The following ENOSF1 variants were observed in gnomAD, a reference collection of about 807,000 sequenced individuals.
The protein encoded by ENOSF1 is mitochondrial enolase superfamily member 1.
Under a neutral mutation model 68.2 loss-of-function variants are expected in ENOSF1, and 73 were observed. The ratio of observed to expected loss-of-function variants is 1.07; its 90% CI spans 0.89 to 1.30. The LOEUF is 1.30. Among genes scored for constraint, ENOSF1 ranks in the 50% most tolerant of loss-of-function variants. The probability of loss-of-function intolerance (pLI) is 0.00; values close to 1 mark genes in which losing one functional copy is unlikely to be tolerated. For synonymous variants in ENOSF1, 223 were observed against 210.4 expected (o/e 1.06, Z -0.52); for missense variants, 589 against 554.5 (o/e 1.06, Z -0.62).
At position 689,341 on chromosome 18, in the gene ENOSF1, C is replaced by T. The variant is rs1038183649; in HGVS notation, c.619-733G>A. Among the ~76,000 whole-genome samples, 9 of 152,262 alleles carry T rather than the reference C, an allele frequency of 5.9e-5. No homozygotes were observed. In the East Asian group the frequency reaches 1.7e-3, roughly 30 times the overall value. ...TGTCACCCAGGTTGGAGGGCAGTGG[C>T]GTGATCTCGGCTCATTGCAACCCCT... is the stretch of plus-strand genomic sequence containing the variant. On this transcript the variant is annotated intron_variant, in intron 8 of 15. Coordinates refer to ENST00000647584, the MANE Select transcript of ENOSF1 (RefSeq NM_017512.7).
chr18:670,284 G>A (rs551432117), downstream of ENOSF1: 58 of 157,648 alleles, frequency 3.7e-4, no homozygotes, highest in Non-Finnish European at 6.9e-4. Flanking sequence ...CCACCCTGGC[G>A]TCCCAGTGTT....
intron 7 of ENOSF1, 122 bp from the exon 8 acceptor site, chr18:690,753 C>A: frequency 1.6e-6 from 2 of 1,218,774 alleles, no homozygotes; most frequent in Admixed American, 2.6e-5. Context: ...GCCCTGCACA[C>A]ACACACCCAG....
rs779184809 is a variant in ENOSF1, at chr18:677,833, T to G, written c.958A>C (p.Lys320Gln). Reference protein sequence around the residue: ...RVIFKQLLQAKALQFLQIDSC... With the variant: ...RVIFKQLLQAQALQFLQIDSC... The stretch of plus-strand genomic sequence containing the variant: ...TCAATCTGGAGGAACTGCAGGGCCT[T>G]CGCCTGTAGGAGTTGCTTAAATATC... The change falls in exon 13 of 16, where the codon AAG becomes CAG. Residue 320 changes from lysine to glutamine, a missense_variant. Physicochemically the swap from Lys to Gln is moderately conservative, Grantham distance 53. Transcript: ENST00000647584. 3.1e-6 allele frequency: 5 copies of G among 1,614,192 alleles called. No homozygotes were observed. The South Asian group carries it at 4.4e-5, about 14-fold the overall frequency.
chr18:669,712 G>A (rs1366765044), downstream of ENOSF1, among the ~76,000 whole-genome samples: 1 of 152,098 alleles, frequency 6.6e-6, no homozygotes, highest in African/African-American at 2.4e-5. Context: ...CTACATGTAA[G>A]ATGTTAACAT....
At chr18:692,059 T>C (rs1239159155) in intron 5 of ENOSF1, 1 of 152,198 alleles carries the variant, frequency 6.6e-6, no homozygotes, top group Non-Finnish European at 1.5e-5. Flanking sequence ...GGCAGCTTCT[T>C]CTCCTGCCAA....
In ENOSF1 at chr18:691,243, T is replaced by A. The variant is rs1389551520; in HGVS notation, c.457A>T (p.Arg153Trp). Residue 153 changes from arginine (R) to tryptophan (W), a missense_variant, in exon 6 of 16, where the codon AGG (arginine) becomes TGG (tryptophan). Physicochemically the swap from Arg to Trp is moderately radical, Grantham distance 101 (BLOSUM62 -3). Transcript: ENST00000647584. ...TCAGTCAGGACATCAGTGATGTACC[T>A]GAAATCTATGCAGGATACCAGCATC... is the stretch of plus-strand genomic sequence containing the variant. ...PRMLVSCIDF[R>W]YITDVLTEED... The A allele has an allele frequency of 2.5e-5, 40 of 1,614,178 alleles. No homozygotes were observed. The highest frequency in any genetic ancestry group is 3.3e-5 in the Non-Finnish European group (39 of 1,180,014).
intron 5 of ENOSF1, 103 bp downstream of exon 5, chr18:693,779 C>A: frequency 6.4e-7 from 1 of 1,564,982 alleles, no homozygotes; most frequent in Non-Finnish European, 8.6e-7. Flanking sequence ...CTATAGTGAT[C>A]AACAGATAGT....
At position 671,141 on chromosome 18, in the gene ENOSF1, T is replaced by C. The variant is rs943749413; in HGVS notation, c.*3164A>G. The C allele has an allele frequency of 1.6e-6, 1 of 613,940 alleles. No individual in the cohort carries two copies. The highest frequency in any genetic ancestry group is 2.8e-6 in the Non-Finnish European group (1 of 352,348). The allele number at this position is 613,940 out of a possible 1,614,324, so 38.0% of individuals were successfully genotyped here. A position where few individuals can be genotyped will look rare whatever the true frequency, so the allele number is the denominator to read the frequency against. ...CTATGCTGAGGTTGGGTATGGTGGC[T>C]CATGCCTGTAATCCCAGCACTTTGG... is the stretch of plus-strand genomic sequence containing the variant. On this transcript the variant is annotated 3_prime_UTR_variant, in exon 16 of 16. Transcript: ENST00000647584.
chr18:669,347 A>G (rs1207674450), downstream of ENOSF1: 3 of 502,756 alleles, frequency 6.0e-6, no homozygotes, highest in Admixed American at 6.5e-5. Context: ...CCTTCAGATC[A>G]TGAGGTTGGG....
intron 10 of ENOSF1, 105 bp from the exon 11 acceptor site, chr18:683,485 G>T: frequency 7.3e-7 from 1 of 1,367,318 alleles, no homozygotes; most frequent in Non-Finnish European, 1.0e-6. Flanking sequence ...ACCAACAGCT[G>T]AGTGAGACCC....
At chr18:710,330 G>C (rs1395667017) in intron 1 of ENOSF1, among the ~76,000 whole-genome samples, 2 of 152,042 alleles carry the variant, frequency 1.3e-5, no homozygotes, top group African/African-American at 4.8e-5. Flanking sequence ...GGCTGGTCTC[G>C]AACTCCTGGG....
At chr18:678,829 G>A (rs776833296) in intron 11 of ENOSF1, 92 bp from the exon 12 acceptor site, 41 of 1,399,544 alleles carry the variant, frequency 2.9e-5, no homozygotes, top group Admixed American at 2.5e-4. Flanking sequence ...AGGAGGAAAC[G>A]GCCCTGCTGT....
chr18:692,196 C>A (rs1034316688), intron 5 of ENOSF1: 1 of 152,270 alleles, frequency 6.6e-6, no homozygotes. Flanking sequence ...CCTGACGGAA[C>A]AGTCAGTTGG....
chr18:677,511 T>G, intron 13 of ENOSF1, 67 bp from the exon 14 acceptor site: 1 of 1,408,526 alleles, frequency 7.1e-7, no homozygotes, highest in South Asian at 1.3e-5. Context: ...GAAAGGGAAC[T>G]TTCTGGTTTT....
At chr18:684,931 G>GCT (rs1461274677) in intron 10 of ENOSF1, among the ~76,000 whole-genome samples, 1 of 151,950 alleles carries the variant, frequency 6.6e-6, no homozygotes. Flanking sequence ...TATTATTGTA[G>GCT]CTCACTGCAG....
Position 671,709 on chromosome 18 carries a change from A to G in ENOSF1, c.*2596T>C. 1 of 501,880 alleles carries G rather than the reference A, an allele frequency of 2.0e-6. No individual in the cohort carries two copies. The highest frequency in any genetic ancestry group is 3.9e-5 in the Admixed American group (1 of 25,592). The allele number at this position is 501,880 out of a possible 1,614,324, so 31.1% of individuals were successfully genotyped here. On this transcript the variant is annotated 3_prime_UTR_variant, in exon 16 of 16. Transcript: ENST00000647584. Reference sequence around the variant, plus strand: ...GAGAGGGAAGAGCCACATTCAAGCCAGGGGATTGTCCAAAAGGGGGCATTT... The same window carrying G: ...GAGAGGGAAGAGCCACATTCAAGCCGGGGGATTGTCCAAAAGGGGGCATTT...
chr18:700,280 C>CA (rs2078193588), intron 2 of ENOSF1, among the ~76,000 whole-genome samples: 1 of 152,104 alleles, frequency 6.6e-6, no homozygotes, highest in Non-Finnish European at 1.5e-5. Flanking sequence ...TGTGAGAAGA[C>CA]AGAGTCCTCC....
downstream of ENOSF1, among the ~76,000 whole-genome samples, chr18:668,364 A>G (rs541611975): frequency 3.4e-4 from 52 of 152,338 alleles, no homozygotes; most frequent in African/African-American, 9.4e-4. Context: ...GAGATTATGA[A>G]GCTCTGCACT....
intron 9 of ENOSF1, 125 bp downstream of exon 9, chr18:688,449 C>G: frequency 8.1e-7 from 1 of 1,232,282 alleles, no homozygotes; most frequent in Non-Finnish European, 1.2e-6. Flanking sequence ...CTTATGCATC[C>G]CTATGAGCCA....
Sources: allele counts gnomAD v4.1 joint callset (sites outside exome capture counted in the v4.1 genomes callset), GRCh38; gene constraint gnomAD v4.1.1; transcripts MANE v1.5; gene names NCBI Gene and HGNC (gene_info 2026-07-23, HGNC 2026-07-21).